The following NHSL2 variants were observed in gnomAD, a reference collection of about 807,000 sequenced individuals.
NHSL2 encodes the protein NHS like 2.
NHSL2 carries 27 observed loss-of-function variants against 53.4 expected under a neutral mutation model. The ratio of observed to expected loss-of-function variants is 0.51; its 90% CI spans 0.37 to 0.70. NHSL2 has a LOEUF of 0.70. Among genes scored for constraint, NHSL2 ranks in the 30% least tolerant of loss-of-function variants. NHSL2 has a pLI of 0.00. For synonymous variants in NHSL2, 408 were observed against 404.1 expected, an observed-to-expected ratio of 1.01 and a Z score of -0.12; for missense variants, 892 against 980.1, an observed-to-expected ratio of 0.91 and a Z score of 1.20.
chrX:72,033,157 C>T (rs1354016652), intron 1 of NHSL2, among the ~76,000 whole-genome samples: 3 of 106,479 alleles, frequency 2.8e-5, no homozygotes, highest in Non-Finnish European at 5.8e-5. Flanking sequence ...TGTATGAAGC[C>T]TATAAATCAA....
At chrX:71,953,154 T>C (rs2041828372) in intron 1 of NHSL2, among the ~76,000 whole-genome samples, 1 of 111,183 alleles carries the variant, frequency 9.0e-6, no homozygotes, top group African/African-American at 3.3e-5. Context: ...GAAGAGACCA[T>C]ATTCCAAATT....
At chrX:72,138,344 C>A in intron 5 of NHSL2, 97 bp from the exon 6 acceptor site, 1 of 667,281 alleles carries the variant, frequency 1.5e-6, no homozygotes, top group Non-Finnish European at 2.2e-6. Context: ...AAGCTGTTGG[C>A]AAATGCTTCT....
intron 1 of NHSL2, among the ~76,000 whole-genome samples, chrX:71,922,633 G>A (rs1041244528): frequency 8.0e-5 from 9 of 112,165 alleles, no homozygotes; most frequent in African/African-American, 2.9e-4. Flanking sequence ...GCAACATAGC[G>A]AGAACTTGAC....
At chrX:72,033,055 T>A (rs2042223722) in intron 1 of NHSL2, among the ~76,000 whole-genome samples, 1 of 112,126 alleles carries the variant, frequency 8.9e-6, no homozygotes. Flanking sequence ...TTGTTTTAGC[T>A]GTTTTAGGGC....
At chrX:72,014,453 A>C (rs1466836577) in intron 1 of NHSL2, among the ~76,000 whole-genome samples, 1 of 111,708 alleles carries the variant, frequency 9.0e-6, no homozygotes, top group Non-Finnish European at 1.9e-5. Flanking sequence ...GCATTGCTTT[A>C]GTTGCATCTC....
At chrX:71,973,335 A>G (rs1307584275) in intron 1 of NHSL2, among the ~76,000 whole-genome samples, 3 of 111,993 alleles carry the variant, frequency 2.7e-5, no homozygotes, top group African/African-American at 9.7e-5. Flanking sequence ...TTCTCTGGCA[A>G]CCTTCTGGCT....
intron 1 of NHSL2, among the ~76,000 whole-genome samples, chrX:72,043,125 G>A (rs1184813765): frequency 9.0e-6 from 1 of 111,137 alleles, no homozygotes; most frequent in East Asian, 2.8e-4. Context: ...GCTGCAATGC[G>A]CTGTTTCCTG....
rs2042524927 is a variant in NHSL2 at position 72,152,621 on chromosome X, G to T, written c.*9047G>T. 8.9e-6 allele frequency: 1 copy of T among 112,740 alleles called. No homozygotes were observed. Among genetic ancestry groups the T allele is most frequent in the South Asian group, 3.6e-4 (1 of 2,754 alleles). The allele number at this position is 112,740 out of a possible 1,213,427, so 9.3% of individuals were successfully genotyped here. A position where few individuals can be genotyped will look rare whatever the true frequency, so the allele number is the denominator to read the frequency against. On this transcript the variant is annotated 3_prime_UTR_variant, in exon 8 of 8. Coordinates refer to ENST00000633930, the MANE Select transcript of NHSL2 (RefSeq NM_001013627.3). ...GCAGCTTATCCTAGCTCAGCAAATT[G>T]CTTCTTAGAATCTTTAGCTTGATTT...
intron 1 of NHSL2, among the ~76,000 whole-genome samples, chrX:71,966,885 GT>G (rs1251388140): frequency 8.9e-6 from 1 of 111,821 alleles, no homozygotes; most frequent in Non-Finnish European, 1.9e-5. Flanking sequence ...TTCCTTAAAT[GT>G]TTGACAGATT....
At chrX:72,131,966 T>TC (rs961981635) in intron 1 of NHSL2, 113 bp from the exon 2 acceptor site, 3 of 718,393 alleles carry the variant, frequency 4.2e-6, no homozygotes, top group African/African-American at 4.4e-5. Context: ...AGCCTCGCAC[T>TC]CCCCCCACCC....
chrX:72,134,307 C>A, intron 3 of NHSL2, 89 bp downstream of exon 3: 1 of 979,764 alleles, frequency 1.0e-6, no homozygotes, highest in Non-Finnish European at 1.4e-6. Flanking sequence ...CTGGAAGCTG[C>A]TCAGCCCTGC....
At chrX:72,049,890 G>A in intron 1 of NHSL2, among the ~76,000 whole-genome samples, 1 of 100,793 alleles carries the variant, frequency 9.9e-6, no homozygotes, top group East Asian at 3.1e-4. Context: ...CATCTAGTAT[G>A]TATCAAACAC....
intron 1 of NHSL2, among the ~76,000 whole-genome samples, chrX:72,123,858 C>T (rs767513337): frequency 9.1e-6 from 1 of 110,173 alleles, no homozygotes; most frequent in East Asian, 2.9e-4. Flanking sequence ...GTTGCTGAGG[C>T]GAGGGGCCCC....
chrX:71,971,806 G>A (rs901908136), intron 1 of NHSL2, among the ~76,000 whole-genome samples: 6 of 110,969 alleles, frequency 5.4e-5, no homozygotes, highest in Non-Finnish European at 1.1e-4. Flanking sequence ...TGTAGTCCCA[G>A]CTGCTTTGGA....
Position 72,138,448 on chromosome X carries a change from C to G in NHSL2, c.900C>G (p.Ser300Arg). The G allele has an allele frequency of 1.8e-6, 2 of 1,141,602 alleles. No homozygotes were observed. The highest frequency in any genetic ancestry group is 2.3e-6 in the Non-Finnish European group (2 of 856,045). The allele number at this position is 1,141,602 out of a possible 1,213,427, so 94.1% of individuals were successfully genotyped here. ...SNFSQRDQGHSNSPAGSVAHS... is the reference protein window; with the variant it reads ...SNFSQRDQGHRNSPAGSVAHS... The stretch of plus-strand genomic sequence containing the variant: ...TGTGTTTATTTCCTCCAGGTCACAG[C>G]AACAGCCCAGCAGGCAGTGTGGCCC... The change falls in exon 6 of 8, where the codon AGC (serine) becomes AGG (arginine). Residue 300 changes from serine (S) to arginine (R), a missense_variant. Coordinates refer to ENST00000633930, the MANE Select transcript of NHSL2 (RefSeq NM_001013627.3).
At chrX:72,007,705 G>T (rs1471603405) in intron 1 of NHSL2, among the ~76,000 whole-genome samples, 2 of 113,275 alleles carry the variant, frequency 1.8e-5, no homozygotes, top group Admixed American at 1.9e-4. Flanking sequence ...GTCCTAAGGA[G>T]GGTTAAGAAT....
intron 1 of NHSL2, among the ~76,000 whole-genome samples, chrX:72,039,693 CAT>C (rs2147918507): frequency 1.8e-5 from 2 of 111,846 alleles, no homozygotes; most frequent in East Asian, 2.8e-4. Context: ...GTTTAGGACT[CAT>C]GTGTGCATCT....
chrX:72,058,313 G>A (rs1476333560), intron 1 of NHSL2, among the ~76,000 whole-genome samples: 1 of 111,793 alleles, frequency 8.9e-6, no homozygotes, highest in Non-Finnish European at 1.9e-5. Context: ...TGGCACCAGG[G>A]GCTTGACAGC....
chrX:72,140,154 C>T lies in NHSL2; in HGVS notation c.2606C>T (p.Pro869Leu). Residue 869 changes from proline to leucine, a missense_variant, in exon 6 of 8, where the codon CCT (proline) becomes CTT (leucine). Coordinates refer to ENST00000633930, the MANE Select transcript of NHSL2 (RefSeq NM_001013627.3). ...ACCTTGCCAGAGAGAAAGACAAAAC[C>T]TCCCGTAGCTGAGAAGCCTCCGGTG... ...VFTLPERKTK[P>L]PVAEKPPVAR... is the part of the protein sequence containing the mutation. 1 of 1,210,948 alleles carries T rather than the reference C, an allele frequency of 8.3e-7. No homozygotes were observed. The highest frequency in any genetic ancestry group is 1.1e-6 in the Non-Finnish European group (1 of 895,125).
Sources: gnomAD v4.1 joint callset for allele counts (sites outside exome capture counted in the v4.1 genomes callset) on GRCh38, gnomAD v4.1.1 for gene constraint, MANE v1.5 for transcripts, NCBI Gene and HGNC (gene_info 2026-07-23, HGNC 2026-07-21) for gene names.